TOP2B: variants seen among roughly 807,000 people sequenced by gnomAD.
TOP2B encodes the protein DNA topoisomerase 2-beta.
Under a neutral mutation model 193.5 loss-of-function variants are expected in TOP2B, and 51 were observed. The ratio of observed to expected loss-of-function variants is 0.26; its 90% CI spans 0.21 to 0.33. TOP2B has a LOEUF of 0.33. TOP2B is among the 10% of genes least tolerant of loss of function. The pLI, the probability that TOP2B is intolerant of heterozygous loss-of-function variation, is 1.00. For synonymous variants in TOP2B, 634 were observed against 635.7 expected, an observed-to-expected ratio of 1.00 and a Z score of 0.04; for missense variants, 1,378 against 1,909.3, an observed-to-expected ratio of 0.72 and a Z score of 5.19.
intron 18 of TOP2B, among the ~76,000 whole-genome samples, chr3:25,626,359 T>C (rs1288897980): frequency 6.6e-6 from 1 of 152,026 alleles, no homozygotes; most frequent in Non-Finnish European, 1.5e-5. Flanking sequence ...AGTTTCAAAT[T>C]AAGGAATATT....
At position 25,664,236 on chromosome 3, in the gene TOP2B, G is replaced by C; in HGVS notation, c.62C>G (p.Thr21Ser). The C allele has an allele frequency of 6.5e-7, 1 of 1,539,286 alleles. No individual in the cohort carries two copies. Among genetic ancestry groups the C allele is most frequent in the Non-Finnish European group, 8.7e-7 (1 of 1,146,108 alleles). Residue 21 changes from threonine (T) to serine (S), a missense_variant, in exon 1 of 36, where the codon ACC (threonine) becomes AGC (serine). Around this residue, in one of 9 missense-constraint regions of TOP2B, gnomAD observed 83 missense variants for 59.3 expected, o/e 1.40. Coordinates refer to ENST00000264331, the MANE Select transcript of TOP2B (RefSeq NM_001330700.2). ...CGGGGACCAGCCACTTACCACCCAG[G>C]TCAGTGCCCCGTTGCCGCCGCCCAC... The part of the protein sequence containing the change: ...AGVGGGNGAL[T>S]WVTLFDQNNA...
rs147226360 is a variant in TOP2B, at chr3:25,640,401, T to C, written c.395+1921A>G. Reference sequence around the variant, plus strand: ...AGAAAGGAGGGGTGAAAAAATATACTACCATCACCTTTTCTTCTTGGAATA... The same window carrying C: ...AGAAAGGAGGGGTGAAAAAATATACCACCATCACCTTTTCTTCTTGGAATA... On this transcript the variant is annotated intron_variant, in intron 4 of 35. Transcript: ENST00000264331. Among the ~76,000 whole-genome samples, 182 of 152,254 alleles carry C rather than the reference T, an allele frequency of 1.2e-3. 1 individual carries two copies. The highest frequency in any genetic ancestry group is 4.0e-3 in the African/African-American group (166 of 41,548).
At chr3:25,624,949 C>G in intron 18 of TOP2B, 146 bp from the exon 19 acceptor site, 1 of 734,446 alleles carries the variant, frequency 1.4e-6, no homozygotes, top group Non-Finnish European at 2.2e-6. Flanking sequence ...TACATACTAA[C>G]ACGTTTGTTT....
In TOP2B at chr3:25,598,482, A is replaced by AT. The variant is rs11372851; in HGVS notation, c.4711-6dup. On this transcript the variant is annotated splice_region_variant and splice_polypyrimidine_tract_variant and intron_variant, in intron 35 of 35. Transcript: ENST00000264331. ...AAAAGATGTCTTCTTCGGTTTCTAGATTTTTTTTCAATAGATTTAAAAGTT... is the reference window on the plus strand; with the variant it reads ...AAAAGATGTCTTCTTCGGTTTCTAGATTTTTTTTTCAATAGATTTAAAAGTT... The AT allele has an allele frequency of 0.37, 580,781 of 1,555,946 alleles. 109,862 individuals carry two copies. Among genetic ancestry groups the AT allele is most frequent in the African/African-American group, 0.53 (38,199 of 72,180 alleles).
At position 25,599,430 on chromosome 3, in the gene TOP2B, G is replaced by GT. The variant is rs761017548; in HGVS notation, c.4710+4dup. ...GCACTAATATGCAATGATGTTCCCG[G>GT]TTACCTTGCTTGTTGTTTTGGATGT... is the stretch of plus-strand genomic sequence containing the variant. On this transcript the variant is annotated splice_donor_region_variant and intron_variant, in intron 35 of 35. Coordinates refer to ENST00000264331, the MANE Select transcript of TOP2B (RefSeq NM_001330700.2). The GT allele has an allele frequency of 1.2e-6, 2 of 1,612,442 alleles. No homozygotes were observed. The highest frequency in any genetic ancestry group is 4.5e-5 in the East Asian group (2 of 44,842).
In TOP2B at chr3:25,629,097, G is replaced by A. The variant is rs1436617787; in HGVS notation, c.1738C>T (p.His580Tyr). The change falls in exon 14 of 36, where the codon CAC (histidine) becomes TAC (tyrosine). Residue 580 changes from histidine (H) to tyrosine (Y), a missense_variant. Transcript: ENST00000264331. ...IKGLLINFIHHNWPSLLKHGF... is the reference protein window; with the variant it reads ...IKGLLINFIHYNWPSLLKHGF... ...TGCTTCAAAAGTGATGGCCAATTGT[G>A]ATGGATGAAATTAATAAGCAGGCCT... 1.9e-6 allele frequency: 3 copies of A among 1,604,876 alleles called. No individual in the cohort carries two copies. Among genetic ancestry groups the A allele is most frequent in the Non-Finnish European group, 2.5e-6 (3 of 1,176,616 alleles).
intron 18 of TOP2B, among the ~76,000 whole-genome samples, chr3:25,626,286 C>G (rs1702798704): frequency 6.6e-6 from 1 of 151,912 alleles, no homozygotes; most frequent in South Asian, 2.1e-4. Flanking sequence ...CTGCAGACAA[C>G]TTGGGCAAAA....
At chr3:25,616,589 T>G (rs1312944954) in intron 25 of TOP2B, among the ~76,000 whole-genome samples, 1 of 151,994 alleles carries the variant, frequency 6.6e-6, no homozygotes, top group African/African-American at 2.4e-5. Flanking sequence ...AAATACGGAA[T>G]GCTATTGTTG....
At chr3:25,651,676 G>T (rs527961458) in intron 1 of TOP2B, among the ~76,000 whole-genome samples, 2 of 152,172 alleles carry the variant, frequency 1.3e-5, no homozygotes, top group African/African-American at 4.8e-5. Context: ...AGACCAGCAT[G>T]GCCAATATGG....
At chr3:25,639,001 A>C (rs533826778) in intron 4 of TOP2B, among the ~76,000 whole-genome samples, 29 of 152,336 alleles carry the variant, frequency 1.9e-4, no homozygotes, top group African/African-American at 6.5e-4. Flanking sequence ...AATGCTTATC[A>C]GTTGGCAAGA....
chr3:25,634,000 G>T lies in TOP2B; in HGVS notation c.867C>A (p.Arg289=). The T allele has an allele frequency of 6.2e-7, 1 of 1,602,538 alleles. No homozygotes were observed. The highest frequency in any genetic ancestry group is 8.5e-7 in the Non-Finnish European group (1 of 1,176,420). The change falls in exon 8 of 36, where the codon CGC becomes CGA. Residue 289 remains arginine, a synonymous_variant. Transcript: ENST00000264331. ...CTTTCACATAAAGATCTACATAACT[G>T]CGAAATCCATTTACCTATTAATTTA... ...NGKKLPVNGF[R]SYVDLYVKDK... is the part of the protein sequence containing the mutation.
chr3:25,650,878 C>G (rs1045674588), intron 1 of TOP2B, among the ~76,000 whole-genome samples: 4 of 152,182 alleles, frequency 2.6e-5, no homozygotes, highest in Non-Finnish European at 5.9e-5. Context: ...ACCATTCTTT[C>G]ACCTAAGCTT....
intron 33 of TOP2B, among the ~76,000 whole-genome samples, chr3:25,601,886 T>C (rs573719832): frequency 4.3e-4 from 65 of 152,276 alleles, no homozygotes; most frequent in African/African-American, 1.5e-3. Flanking sequence ...TCCTAACTTT[T>C]AGAATGTTTT....
At chr3:25,616,728 T>C (rs1193613120) in intron 25 of TOP2B, among the ~76,000 whole-genome samples, 1 of 151,896 alleles carries the variant, frequency 6.6e-6, no homozygotes, top group Admixed American at 6.6e-5. Flanking sequence ...AAAATATCAC[T>C]AGGATACAAC....
At chr3:25,636,179 T>C in intron 6 of TOP2B, 31 bp from the exon 7 acceptor site, 1 of 1,371,534 alleles carries the variant, frequency 7.3e-7, no homozygotes, top group Non-Finnish European at 1.0e-6. Context: ...AATATTTCTA[T>C]AATGCTTCCA....
intron 17 of TOP2B, 34 bp downstream of exon 17, chr3:25,626,738 T>G (rs756614320): frequency 8.3e-6 from 13 of 1,561,650 alleles, no homozygotes; most frequent in East Asian, 2.3e-5. Context: ...CTCTCTCTCC[T>G]TCTTTCCCCA....
intron 1 of TOP2B, among the ~76,000 whole-genome samples, chr3:25,653,075 C>G (rs942245111): frequency 6.6e-6 from 1 of 151,956 alleles, no homozygotes; most frequent in African/African-American, 2.4e-5. Context: ...TATAATCTAC[C>G]AAGACTGAAT....
chr3:25,610,104 G>A (rs1702330356), intron 28 of TOP2B, among the ~76,000 whole-genome samples: 1 of 152,044 alleles, frequency 6.6e-6, no homozygotes, highest in African/African-American at 2.4e-5. Flanking sequence ...AGGAGGCTGA[G>A]GCAGGAGAAT....
In TOP2B at chr3:25,638,214, T is replaced by C; in HGVS notation, c.492A>G (p.Gly164=). The C allele has an allele frequency of 1.3e-6, 2 of 1,555,600 alleles. No homozygotes were observed. Among genetic ancestry groups the C allele is most frequent in the South Asian group, 1.2e-5 (1 of 84,486 alleles). Residue 164 remains glycine (G), a synonymous_variant, in exon 5 of 36, where the codon GGA becomes GGG. Coordinates refer to ENST00000264331, the MANE Select transcript of TOP2B (RefSeq NM_001330700.2). ...CATAGTTACTGGATGTTAAAAGCTG[T>C]CCAAAAATTAAAGCAGGAACATAAA... is the stretch of plus-strand genomic sequence containing the variant. ...EKVYVPALIF[G]QLLTSSNYDD...
Sources: gnomAD v4.1 joint callset for allele counts (sites outside exome capture counted in the v4.1 genomes callset) on GRCh38, gnomAD v4.1.1 for gene constraint, gnomAD v4.1.1 regional missense constraint, MANE v1.5 for transcripts, NCBI Gene and HGNC (gene_info 2026-07-23, HGNC 2026-07-21) for gene names.